MYH14: variants seen among roughly 807,000 people sequenced by gnomAD.
MYH14 encodes myosin-14.
Under a neutral mutation model 255.5 loss-of-function variants are expected in MYH14, and 123 were observed. The ratio of observed to expected loss-of-function variants is 0.48; its 90% CI spans 0.42 to 0.56. The LOEUF (loss-of-function observed/expected upper bound fraction) is 0.56, where lower values mean the gene tolerates loss of function less well. Ranked by LOEUF, MYH14 falls within the 20% of genes least tolerant of loss-of-function variation. The pLI, the probability that MYH14 is intolerant of heterozygous loss-of-function variation, is 0.00. For synonymous variants in MYH14, 1,095 were observed against 1,161.2 expected (o/e 0.94, Z 1.16); for missense variants, 2,423 against 2,802.3 (o/e 0.86, Z 3.06).
chr19:50,204,134 C>T (rs960606663), intron 1 of MYH14, among the ~76,000 whole-genome samples: 2 of 152,132 alleles, frequency 1.3e-5, no homozygotes, highest in African/African-American at 4.8e-5. Context: ...TGTACTTGGA[C>T]GCTTTTATTT....
chr19:50,304,540 A>G (rs755853076), intron 40 of MYH14, among the ~76,000 whole-genome samples: 7 of 151,916 alleles, frequency 4.6e-5, no homozygotes, highest in Non-Finnish European at 1.0e-4. Context: ...CAGTGAGCCG[A>G]GATCACACCA....
At chr19:50,286,831 T>C (rs1317889240) in intron 34 of MYH14, 137 bp downstream of exon 34, 42 of 901,928 alleles carry the variant, frequency 4.7e-5, no homozygotes, top group Non-Finnish European at 5.0e-6. Context: ...ACAAGAGGGC[T>C]GGGCATGGTG....
rs555236417 is a variant in MYH14, at chr19:50,257,473, A to C, written c.2219A>C (p.Asn740Thr). 6.2e-7 allele frequency: 1 copy of C among 1,602,806 alleles called. No individual in the cohort carries two copies. Among genetic ancestry groups the C allele is most frequent in the African/African-American group, 1.3e-5 (1 of 74,882 alleles). ...NPSFVRCIVP[N>T]HEKRAGKLEP... ...AGTTTTGTCCGCTGCATTGTCCCCAACCACGAGAAGAGGGTGAGTGACTCA... is the reference window on the plus strand; with the variant it reads ...AGTTTTGTCCGCTGCATTGTCCCCACCCACGAGAAGAGGGTGAGTGACTCA... The change falls in exon 18 of 43, where the codon AAC becomes ACC. Residue 740 changes from asparagine (N) to threonine (T), a missense_variant. This residue lies in a region of MYH14 where 672 missense variants were observed against 881.8 expected (regional missense o/e 0.76). Transcript: ENST00000642316.
Position 50,286,547 on chromosome 19 carries a change from G to A in MYH14, c.4605G>A (p.Glu1535=). Residue 1535 remains glutamate (E), a synonymous_variant, in exon 34 of 43, where the codon GAG becomes GAA. Transcript: ENST00000642316. ...AGGAACGTGAGCGGGCCGAGGCAGAGGGCCGGGAGCGTGAGGCTCGGGCCC... is the reference window on the plus strand; with the variant it reads ...AGGAACGTGAGCGGGCCGAGGCAGAAGGCCGGGAGCGTGAGGCTCGGGCCC... ...AVEERERAEA[E]GREREARALS... 1 of 1,613,226 alleles carries A rather than the reference G, an allele frequency of 6.2e-7. No homozygotes were observed. The highest frequency in any genetic ancestry group is 8.5e-7 in the Non-Finnish European group (1 of 1,179,654).
In MYH14 at chr19:50,276,096, C is replaced by T. The variant is rs1332121309; in HGVS notation, c.3573C>T (p.Ala1191=). 1.9e-6 allele frequency: 3 copies of T among 1,609,256 alleles called. No homozygotes were observed. In the South Asian group the frequency reaches 3.3e-5, roughly 18 times the overall value. ...AQEDLESERV[A]RTKAEKQRRD... is the part of the protein sequence containing the mutation. ...AGGACCTGGAGTCTGAGCGTGTGGCCAGGACCAAGGCGGAGAAGCAGCGCC... is the reference window on the plus strand; with the variant it reads ...AGGACCTGGAGTCTGAGCGTGTGGCTAGGACCAAGGCGGAGAAGCAGCGCC... Residue 1191 remains alanine, a synonymous_variant, in exon 28 of 43, where the codon GCC becomes GCT. Coordinates refer to ENST00000642316, the MANE Select transcript of MYH14 (RefSeq NM_001145809.2). The surrounding 1 kb of genome is among the most constrained non-coding windows in gnomAD (Gnocchi z 4.3).
intron 23 of MYH14, 119 bp from the exon 24 acceptor site, chr19:50,268,042 C>T (rs765428644): frequency 2.3e-6 from 3 of 1,298,056 alleles, no homozygotes; most frequent in Non-Finnish European, 3.1e-6. Flanking sequence ...GTCCTCCTGC[C>T]CCTCAGTCCT....
intron 10 of MYH14, 103 bp from the exon 11 acceptor site, chr19:50,244,139 A>G (rs2033999302): frequency 3.3e-6 from 3 of 904,190 alleles, no homozygotes; most frequent in Non-Finnish European, 5.3e-6. Flanking sequence ...AGGGGTGGTG[A>G]TATAATTTGC....
intron 42 of MYH14, 93 bp from the exon 43 acceptor site, chr19:50,309,547 C>T (rs2036776544): frequency 2.4e-6 from 2 of 834,470 alleles, no homozygotes; most frequent in Admixed American, 4.3e-5. Flanking sequence ...CTATCTCTCT[C>T]TCTCTCCCCC....
rs768724541 is a variant in MYH14 at position 50,286,534 on chromosome 19, G to A, written c.4592G>A (p.Arg1531Gln). 2.5e-6 allele frequency: 4 copies of A among 1,613,452 alleles called. 1 individual carries two copies. In the South Asian group the frequency reaches 3.3e-5, roughly 13 times the overall value. Residue 1531 changes from arginine to glutamine, a missense_variant, in exon 34 of 43, where the codon CGG (arginine) becomes CAG (glutamine). Physicochemically the swap from Arg to Gln is conservative, Grantham distance 43. This residue lies in a region of MYH14 where 1,513 missense variants were observed against 1,674.8 expected (regional missense o/e 0.90). Coordinates refer to ENST00000642316, the MANE Select transcript of MYH14 (RefSeq NM_001145809.2). ...AVLRAVEERE[R>Q]AEAEGREREA... is the part of the protein sequence containing the mutation. Reference sequence around the variant, plus strand: ...CTTCGGGCAGTGGAGGAACGTGAGCGGGCCGAGGCAGAGGGCCGGGAGCGT... The same window carrying A: ...CTTCGGGCAGTGGAGGAACGTGAGCAGGCCGAGGCAGAGGGCCGGGAGCGT...
intron 10 of MYH14, among the ~76,000 whole-genome samples, chr19:50,240,872 C>A (rs935566436): frequency 6.6e-6 from 1 of 152,140 alleles, no homozygotes; most frequent in South Asian, 2.1e-4. Flanking sequence ...CCCAGCTCTG[C>A]CAGCCTATGT....
chr19:50,240,409 T>C (rs530060596), intron 10 of MYH14, among the ~76,000 whole-genome samples: 1 of 152,024 alleles, frequency 6.6e-6, no homozygotes, highest in African/African-American at 2.4e-5. Context: ...CAAGATCCCA[T>C]CTGGACAAAA....
At position 50,232,022 on chromosome 19, in the gene MYH14, A is replaced by G. The variant is rs1242166642; in HGVS notation, c.1066A>G (p.Thr356Ala). The G allele has an allele frequency of 6.2e-7, 1 of 1,613,510 alleles. No individual in the cohort carries two copies. Among genetic ancestry groups the G allele is most frequent in the African/African-American group, 1.3e-5 (1 of 74,952 alleles). The change falls in exon 10 of 43, where the codon ACG (threonine) becomes GCG (alanine). Residue 356 changes from threonine (T) to alanine (A), a missense_variant. Transcript: ENST00000642316. ...PGQERELFQE[T>A]LESLRVLGFS... is the part of the protein sequence containing the mutation. The stretch of plus-strand genomic sequence containing the variant: ...CCAGGAGCGGGAACTCTTCCAGGAG[A>G]CGCTGGAGTCGCTGCGGGTCCTGGG...
chr19:50,238,862 C>T (rs2033774928), intron 10 of MYH14, among the ~76,000 whole-genome samples: 1 of 152,148 alleles, frequency 6.6e-6, no homozygotes, highest in Admixed American at 6.5e-5. Context: ...TATTCATCCT[C>T]CCACCTCCTC....
Position 50,272,453 on chromosome 19 carries a change from G to A in MYH14, c.3296-107G>A, listed in dbSNP as rs2035337671. ...GGGAGGAGGAGAAGGCGTTAAGGGA[G>A]GTGCTGAGCTTAGCCTTATATGTGA... On this transcript the variant is annotated intron_variant, in intron 26 of 42. Transcript: ENST00000642316. The A allele has an allele frequency of 1.6e-5, 19 of 1,160,402 alleles. No homozygotes were observed. In the South Asian group the frequency reaches 2.2e-4, roughly 14 times the overall value. 71.9% of individuals were successfully genotyped at this position (1,160,402 alleles called of 1,614,324 possible). A position where few individuals can be genotyped will look rare whatever the true frequency, so the allele number is the denominator to read the frequency against.
At chr19:50,243,262 C>T (rs2033960486) in intron 10 of MYH14, among the ~76,000 whole-genome samples, 1 of 152,068 alleles carries the variant, frequency 6.6e-6, no homozygotes, top group Non-Finnish European at 1.5e-5. Flanking sequence ...ATGGCGAAAC[C>T]CCATCTCTAC....
At chr19:50,222,075 C>A (rs2032850234) in intron 3 of MYH14, among the ~76,000 whole-genome samples, 1 of 152,106 alleles carries the variant, frequency 6.6e-6, no homozygotes, top group Non-Finnish European at 1.5e-5. Flanking sequence ...CGGCCTCTAC[C>A]CACTCAGTGC....
intron 1 of MYH14, among the ~76,000 whole-genome samples, chr19:50,207,257 A>AAGAGAGAGAGAGAGAGAGAG (rs2031827890): frequency 1.5e-4 from 4 of 26,974 alleles, no homozygotes; most frequent in Admixed American, 3.9e-4. Context: ...GAGAGAGAGA[A>AAGAGAGAGAGAGAGAGAGAG]AGAGAGAGAG....
Position 50,260,711 on chromosome 19 carries a change from A to C in MYH14, c.2420A>C (p.Lys807Thr), listed in dbSNP as rs1474700231. 6.2e-7 allele frequency: 1 copy of C among 1,612,130 alleles called. No individual in the cohort carries two copies. Among genetic ancestry groups the C allele is most frequent in the Non-Finnish European group, 8.5e-7 (1 of 1,179,434 alleles). Residue 807 changes from lysine to threonine, a missense_variant, in exon 20 of 43, where the codon AAG (lysine) becomes ACG (threonine). This residue lies in a region of MYH14 where 672 missense variants were observed against 881.8 expected (regional missense o/e 0.76). Transcript: ENST00000642316. ...ATGGATGGGAAGCAGGCCTGTGAAA[A>C]GATGGTGAGTGGGGCAGAGCCTGGA... ...GFMDGKQACE[K>T]MIQALELDPN...
In MYH14 at chr19:50,257,344, G is replaced by T; in HGVS notation, c.2090G>T (p.Gly697Val). 1 of 1,609,638 alleles carries T rather than the reference G, an allele frequency of 6.2e-7. No individual in the cohort carries two copies. Among genetic ancestry groups the T allele is most frequent in the African/African-American group, 1.3e-5 (1 of 74,986 alleles). ...GLEQVSSLGD[G>V]PPGGRPRRGM... ...GAACAGGTGAGCAGCCTGGGCGACGGCCCACCAGGTGGCCGCCCCCGTCGG... is the reference window on the plus strand; with the variant it reads ...GAACAGGTGAGCAGCCTGGGCGACGTCCCACCAGGTGGCCGCCCCCGTCGG... Residue 697 changes from glycine to valine, a missense_variant, in exon 18 of 43, where the codon GGC becomes GTC. This residue lies in a region of MYH14 where 672 missense variants were observed against 881.8 expected (regional missense o/e 0.76). Transcript: ENST00000642316.
Sources: allele counts gnomAD v4.1 joint callset (sites outside exome capture counted in the v4.1 genomes callset), GRCh38; gene constraint gnomAD v4.1.1; regional missense constraint gnomAD v4.1.1; non-coding constraint Gnocchi (gnomAD v3.1); transcripts MANE v1.5; gene names NCBI Gene and HGNC (gene_info 2026-07-23, HGNC 2026-07-21).